Variants in CCDC192 observed in about 807,000 individuals in gnomAD.
CCDC192 encodes the protein coiled-coil domain-containing protein 192.
At chr5:127,880,719 C>G (rs1033441561) in intron 6 of CCDC192, among the ~76,000 whole-genome samples, 10 of 152,048 alleles carry the variant, frequency 6.6e-5, no homozygotes, top group Non-Finnish European at 1.5e-4. Context: ...GTGGCTCACA[C>G]CTGTAATCCC....
At chr5:127,717,641 A>G (rs1404063216) in intron 2 of CCDC192, among the ~76,000 whole-genome samples, 1 of 151,974 alleles carries the variant, frequency 6.6e-6, no homozygotes, top group Non-Finnish European at 1.5e-5. Context: ...CCTTCATAAA[A>G]CCCATTAAAG....
At chr5:127,797,797 G>A (rs572442273) in intron 4 of CCDC192, among the ~76,000 whole-genome samples, 11 of 131,050 alleles carry the variant, frequency 8.4e-5, no homozygotes, top group African/African-American at 2.9e-4. Flanking sequence ...TTATTTATTT[G>A]TAAATATATA....
chr5:127,830,843 A>T (rs1394154597), intron 5 of CCDC192, among the ~76,000 whole-genome samples: 1 of 152,014 alleles, frequency 6.6e-6, no homozygotes, highest in Non-Finnish European at 1.5e-5. Context: ...GAATAAAACT[A>T]CTCTTCTTTA....
At chr5:127,802,455 C>T (rs928770241) in intron 5 of CCDC192, among the ~76,000 whole-genome samples, 1 of 152,148 alleles carries the variant, frequency 6.6e-6, no homozygotes, top group Middle Eastern at 3.2e-3. Context: ...CCCCCAAGTG[C>T]ACCCTGCATC....
chr5:127,704,015 A>C (rs909224729), intron 1 of CCDC192, among the ~76,000 whole-genome samples: 1 of 152,238 alleles, frequency 6.6e-6, no homozygotes, highest in African/African-American at 2.4e-5. Flanking sequence ...GAAATTTTGC[A>C]TGTTGACACC....
intron 6 of CCDC192, among the ~76,000 whole-genome samples, chr5:127,918,415 TAAG>T (rs1345473784): frequency 1.3e-5 from 2 of 152,066 alleles, no homozygotes; most frequent in Non-Finnish European, 2.9e-5. Context: ...ATGAGCAACA[TAAG>T]AAGAATCAAG....
rs538171619 is a variant in CCDC192 at position 127,719,598 on chromosome 5, C to T, written c.114+11838C>T. Reference sequence around the variant, plus strand: ...ATATATATACCAAGCAGTGGGATTGCTGAATCATGTGATAGCTCTATTTTT... The same window carrying T: ...ATATATATACCAAGCAGTGGGATTGTTGAATCATGTGATAGCTCTATTTTT... On this transcript the variant is annotated intron_variant, in intron 2 of 6. Transcript: ENST00000514853. Among the ~76,000 whole-genome samples, 4 of 141,958 alleles carry T rather than the reference C, an allele frequency of 2.8e-5. 1 individual carries two copies. The highest frequency in any genetic ancestry group is 1.1e-4 in the African/African-American group (4 of 36,940). 93.1% of individuals were successfully genotyped at this position (141,958 alleles called of 152,430 possible).
intron 5 of CCDC192, among the ~76,000 whole-genome samples, chr5:127,862,121 G>A (rs910959432): frequency 1.3e-5 from 2 of 152,068 alleles, no homozygotes; most frequent in African/African-American, 2.4e-5. Context: ...TCATATCTAC[G>A]CTAAGAAAGG....
Position 127,822,641 on chromosome 5 carries a change from G to C in CCDC192, c.411+24479G>C, listed in dbSNP as rs1172780274. Among the ~76,000 whole-genome samples the C allele has an allele frequency of 5.3e-5, 8 of 152,168 alleles. No homozygotes were observed. In the East Asian group the frequency reaches 1.5e-3, roughly 29 times the overall value. On this transcript the variant is annotated intron_variant, in intron 5 of 6. Transcript: ENST00000514853. ...ACTGGTGAGTGGATGTCAGAGCAGT[G>C]ATGTTCAGGGAGTCAGGAAGAGAGC...
chr5:127,777,847 T>C (rs1190963337), intron 3 of CCDC192, among the ~76,000 whole-genome samples: 1 of 152,122 alleles, frequency 6.6e-6, no homozygotes, highest in Non-Finnish European at 1.5e-5. Context: ...TCTTCTGCCA[T>C]GATTATGAGG....
intron 5 of CCDC192, among the ~76,000 whole-genome samples, chr5:127,852,049 T>C (rs1039870296): frequency 2.0e-5 from 3 of 152,182 alleles, no homozygotes; most frequent in African/African-American, 2.4e-5. Context: ...TGAACACTAG[T>C]TTTATGGTCC....
chr5:127,790,051 G>C (rs77069707), intron 3 of CCDC192, among the ~76,000 whole-genome samples: 4,218 of 152,312 alleles, frequency 0.028, 85 homozygotes, highest in South Asian at 0.053. Flanking sequence ...CACAAGCCCT[G>C]CTCAACCTAG....
At chr5:127,782,997 GT>G (rs576250474) in intron 3 of CCDC192, among the ~76,000 whole-genome samples, 5,375 of 138,700 alleles carry the variant, frequency 0.039, 303 homozygotes, top group African/African-American at 0.13. Flanking sequence ...TAGAGGTGGG[GT>G]TTTTTTTTTT....
chr5:127,897,223 C>G (rs1752918810), intron 6 of CCDC192, among the ~76,000 whole-genome samples: 1 of 152,062 alleles, frequency 6.6e-6, no homozygotes, highest in South Asian at 2.1e-4. Context: ...ATATCAGAAT[C>G]ACTTTATTTT....
At chr5:127,726,124 A>G (rs925357181) in intron 2 of CCDC192, among the ~76,000 whole-genome samples, 5 of 152,114 alleles carry the variant, frequency 3.3e-5, no homozygotes, top group African/African-American at 1.2e-4. Context: ...AAAAGGCTCA[A>G]TGGACTTGTG....
At chr5:127,787,953 A>G (rs1332516709) in intron 3 of CCDC192, among the ~76,000 whole-genome samples, 1 of 152,090 alleles carries the variant, frequency 6.6e-6, no homozygotes, top group Non-Finnish European at 1.5e-5. Context: ...ATCATAATGC[A>G]TGCCTGTAAT....
chr5:127,704,451 G>A (rs184006146), intron 1 of CCDC192, among the ~76,000 whole-genome samples: 1 of 152,228 alleles, frequency 6.6e-6, no homozygotes, highest in African/African-American at 2.4e-5. Context: ...GCCTCCCAAA[G>A]TGCTGGGATT....
At chr5:127,811,039 T>A (rs2126999756) in intron 5 of CCDC192, among the ~76,000 whole-genome samples, 1 of 152,292 alleles carries the variant, frequency 6.6e-6, no homozygotes. Context: ...CAGCTCCTGG[T>A]CTATATACAA....
intron 5 of CCDC192, among the ~76,000 whole-genome samples, chr5:127,872,586 T>C (rs1751907695): frequency 6.6e-6 from 1 of 152,174 alleles, no homozygotes; most frequent in East Asian, 1.9e-4. Context: ...AAGATGTCCA[T>C]CCAGTCCCTG....
Sources: gnomAD v4.1 joint callset for allele counts (sites outside exome capture counted in the v4.1 genomes callset) on GRCh38, gnomAD v4.1.1 for gene constraint, MANE v1.5 for transcripts, NCBI Gene and HGNC (gene_info 2026-07-23, HGNC 2026-07-21) for gene names.